RIT2: variants seen among roughly 807,000 people sequenced by gnomAD.
The protein encoded by RIT2 is Ras like without CAAX 2, also known as GTP-binding protein Rit2.
A neutral mutation model predicts 23.7 loss-of-function variants in RIT2; 24 were observed. The ratio of observed to expected loss-of-function variants is 1.01; its 90% confidence interval spans 0.73 to 1.43. The LOEUF (loss-of-function observed/expected upper bound fraction) is 1.43, where lower values mean the gene tolerates loss of function less well. RIT2 is among the 40% of genes most tolerant of loss of function. The pLI is 0.00. For missense variants in RIT2, 236 were observed against 266.9 expected (o/e 0.88, Z 0.81); for synonymous variants, 107 against 91.1 (o/e 1.17, Z -0.99).
intron 1 of RIT2, among the ~76,000 whole-genome samples, chr18:43,038,204 C>CAAAAA (rs34072626): frequency 1.2e-4 from 14 of 119,634 alleles, no homozygotes; most frequent in Non-Finnish European, 2.2e-4. Flanking sequence ...GACTCTGTCT[C>CAAAAA]AAAAAAAAAA....
intron 3 of RIT2, among the ~76,000 whole-genome samples, chr18:42,962,883 G>A (rs1910125110): frequency 6.6e-6 from 1 of 152,068 alleles, no homozygotes; most frequent in South Asian, 2.1e-4. Flanking sequence ...TATATAAAGT[G>A]GCTCCTCTTC....
intron 4 of RIT2, among the ~76,000 whole-genome samples, chr18:42,890,307 A>C (rs1598701876): frequency 6.6e-6 from 1 of 152,138 alleles, no homozygotes; most frequent in East Asian, 1.9e-4. Flanking sequence ...ATTGTCATGA[A>C]AGTAACCAGT....
chr18:43,069,933 T>A (rs1218990214), intron 1 of RIT2, among the ~76,000 whole-genome samples: 1 of 152,156 alleles, frequency 6.6e-6, no homozygotes, highest in African/African-American at 2.4e-5. Flanking sequence ...CTTATTTTTG[T>A]CACATTACTT....
chr18:43,031,126 G>T (rs939784820), intron 2 of RIT2, among the ~76,000 whole-genome samples: 2 of 151,514 alleles, frequency 1.3e-5, no homozygotes, highest in African/African-American at 4.8e-5. Flanking sequence ...TTTGTCACTT[G>T]TTGTGCTGTC....
intron 4 of RIT2, among the ~76,000 whole-genome samples, chr18:42,831,934 A>G (rs924638744): frequency 6.6e-6 from 1 of 152,176 alleles, no homozygotes; most frequent in Non-Finnish European, 1.5e-5. Context: ...TGTAGCTTCT[A>G]GAGCAGTTAC....
At chr18:42,882,822 A>G (rs887339087) in intron 4 of RIT2, among the ~76,000 whole-genome samples, 3 of 152,188 alleles carry the variant, frequency 2.0e-5, no homozygotes, top group Admixed American at 1.3e-4. Flanking sequence ...CCTACAGACT[A>G]TGGGAATGGT....
intron 3 of RIT2, among the ~76,000 whole-genome samples, chr18:42,946,508 C>T (rs1598725926): frequency 6.6e-6 from 1 of 151,930 alleles, no homozygotes; most frequent in Non-Finnish European, 1.5e-5. Flanking sequence ...TTAAAATATT[C>T]TAATAATATA....
At chr18:42,753,916 T>C (rs16976759) in intron 4 of RIT2, among the ~76,000 whole-genome samples, 2,651 of 152,262 alleles carry the variant, frequency 0.017, 78 homozygotes, top group African/African-American at 0.061. Context: ...TACATGTCAT[T>C]TCAAACTCCT....
chr18:42,951,487 C>T (rs1240982513), intron 3 of RIT2, among the ~76,000 whole-genome samples: 2 of 151,876 alleles, frequency 1.3e-5, no homozygotes, highest in East Asian at 1.9e-4. Flanking sequence ...ATTCTCTGTA[C>T]CTGGGCGATG....
chr18:42,888,940 C>G (rs1908099956), intron 4 of RIT2, among the ~76,000 whole-genome samples: 1 of 152,028 alleles, frequency 6.6e-6, no homozygotes, highest in South Asian at 2.1e-4. Flanking sequence ...GCTTAGAAAA[C>G]TACCTACTGG....
At chr18:42,809,494 C>A (rs1905777795) in intron 4 of RIT2, among the ~76,000 whole-genome samples, 1 of 151,992 alleles carries the variant, frequency 6.6e-6, no homozygotes, top group African/African-American at 2.4e-5. Context: ...TAAATGAAAT[C>A]TTGTAGCACT....
chr18:42,939,085 A>G (rs1221303492), intron 3 of RIT2, among the ~76,000 whole-genome samples: 1 of 152,162 alleles, frequency 6.6e-6, no homozygotes, highest in Non-Finnish European at 1.5e-5. Flanking sequence ...GACATTAAAC[A>G]AAACAGCCAA....
chr18:42,962,470 G>C (rs1910114842), intron 3 of RIT2, among the ~76,000 whole-genome samples: 1 of 152,158 alleles, frequency 6.6e-6, no homozygotes, highest in African/African-American at 2.4e-5. Flanking sequence ...ATTGATTCAA[G>C]ATGAGAGAAT....
intron 2 of RIT2, among the ~76,000 whole-genome samples, chr18:42,982,843 T>C (rs1910627040): frequency 6.6e-6 from 1 of 152,056 alleles, no homozygotes; most frequent in Non-Finnish European, 1.5e-5. Flanking sequence ...AAATCAAATA[T>C]TTAAATAAAT....
intron 1 of RIT2, among the ~76,000 whole-genome samples, chr18:43,085,697 G>T (rs1461184644): frequency 6.6e-6 from 1 of 151,086 alleles, no homozygotes; most frequent in Middle Eastern, 3.2e-3. Context: ...AGGTTGTAGA[G>T]TATAGGGTTA....
At position 43,115,645 on chromosome 18, in the gene RIT2, C is replaced by T. The variant is rs1040326147; in HGVS notation, c.-126G>A. The T allele has an allele frequency of 2.2e-6, 3 of 1,358,544 alleles. No individual in the cohort carries two copies. Among genetic ancestry groups the T allele is most frequent in the Non-Finnish European group, 2.9e-6 (3 of 1,040,214 alleles). 84.2% of individuals were successfully genotyped at this position (1,358,544 alleles called of 1,614,324 possible). ...TTTAGTACGAGGTAAGAACCATCAG[C>T]GTCGGGCTGGCTGCTGGTCCTCCGC... On this transcript the variant is annotated 5_prime_UTR_variant, in exon 1 of 5. Coordinates refer to ENST00000326695, the MANE Select transcript of RIT2 (RefSeq NM_002930.4).
At chr18:42,750,999 A>G (rs1028113248) in intron 4 of RIT2, among the ~76,000 whole-genome samples, 3 of 151,920 alleles carry the variant, frequency 2.0e-5, no homozygotes, top group Non-Finnish European at 2.9e-5. Context: ...CTGTAAACCT[A>G]TAATTGTTCA....
intron 4 of RIT2, among the ~76,000 whole-genome samples, chr18:42,889,576 G>C (rs7506117): frequency 2.6e-5 from 4 of 152,018 alleles, no homozygotes; most frequent in Admixed American, 2.6e-4. Context: ...ACTGAAGAAA[G>C]AAGCCAGTTT....
chr18:42,889,079 T>C (rs1385116745), intron 4 of RIT2, among the ~76,000 whole-genome samples: 1 of 152,116 alleles, frequency 6.6e-6, no homozygotes, highest in African/African-American at 2.4e-5. Context: ...GTTGGATTTT[T>C]TTTTAATTTA....
Sources: allele counts gnomAD v4.1 joint callset (sites outside exome capture counted in the v4.1 genomes callset), GRCh38; gene constraint gnomAD v4.1.1; transcripts MANE v1.5; gene names NCBI Gene and HGNC (gene_info 2026-07-23, HGNC 2026-07-21).